Variants in FUT8 observed in about 807,000 individuals in gnomAD.
The protein encoded by FUT8 is fucosyltransferase 8, also known as alpha-(1,6)-fucosyltransferase.
In FUT8, 29 loss-of-function variants were observed where a neutral mutation model predicts 71.3. That is an observed-to-expected ratio of 0.41 (90% CI 0.30 to 0.55). The LOEUF (loss-of-function observed/expected upper bound fraction) is 0.55. FUT8 is among the 20% of genes least tolerant of loss of function. FUT8 has a pLI of 0.34. For missense variants in FUT8, 544 were observed against 702.1 expected, an observed-to-expected ratio of 0.77 and a Z score of 2.55; for synonymous variants, 254 against 239.3, an observed-to-expected ratio of 1.06 and a Z score of -0.57.
intron 1 of FUT8, among the ~76,000 whole-genome samples, chr14:65,425,358 G>C (rs1350823347): frequency 1.3e-5 from 2 of 151,446 alleles, no homozygotes; most frequent in Non-Finnish European, 2.9e-5. Flanking sequence ...AGTAGAGACA[G>C]GGTTTCTCCA....
At chr14:65,651,106 G>T (rs983387819) in intron 6 of FUT8, among the ~76,000 whole-genome samples, 1 of 152,136 alleles carries the variant, frequency 6.6e-6, no homozygotes, top group African/African-American at 2.4e-5. Context: ...AGAGACTGTG[G>T]GCAAAGCCCT....
At chr14:65,593,685 C>T (rs902063428) in intron 3 of FUT8, among the ~76,000 whole-genome samples, 1 of 152,140 alleles carries the variant, frequency 6.6e-6, no homozygotes, top group African/African-American at 2.4e-5. Flanking sequence ...AAGAGATTCT[C>T]CTGCCTCAGC....
chr14:65,736,975 G>A (rs1452090558), intron 10 of FUT8, among the ~76,000 whole-genome samples: 2 of 152,102 alleles, frequency 1.3e-5, no homozygotes, highest in East Asian at 3.9e-4. Flanking sequence ...GAGTTGACCT[G>A]TTGACCATGA....
intron 6 of FUT8, among the ~76,000 whole-genome samples, chr14:65,661,956 G>C (rs1891989213): frequency 6.6e-6 from 1 of 152,190 alleles, no homozygotes; most frequent in South Asian, 2.1e-4. Context: ...AAGGACTGCT[G>C]CTTTCCTTCA....
In FUT8 at chr14:65,616,338, A is replaced by G; in HGVS notation, c.447A>G (p.Ala149=). The G allele has an allele frequency of 1.9e-6, 3 of 1,607,748 alleles. No homozygotes were observed. Among genetic ancestry groups the G allele is most frequent in the Non-Finnish European group, 2.5e-6 (3 of 1,177,856 alleles). ...AAGGAAATGAACTCCAAAGACATGC[A>G]GATGAATTTCTTTTGGATTTAGGAC... is the stretch of plus-strand genomic sequence containing the variant. ...NLEGNELQRH[A]DEFLLDLGHH... Residue 149 remains alanine, a synonymous_variant, in exon 5 of 11, where the codon GCA becomes GCG. Coordinates refer to ENST00000673929, the MANE Select transcript of FUT8 (RefSeq NM_001371533.1).
chr14:65,396,116 T>C, the FUT8 span, among the ~76,000 whole-genome samples: 1 of 152,194 alleles, frequency 6.6e-6, no homozygotes, highest in African/African-American at 2.4e-5. This position sits in a 1 kb window ranked among gnomAD's most constrained non-coding sequence, Gnocchi z 5.5. Context: ...TCCACATCAC[T>C]ATCAGCATTT....
chr14:65,360,823 G>A, the FUT8 span, among the ~76,000 whole-genome samples: 1 of 152,172 alleles, frequency 6.6e-6, no homozygotes, highest in Non-Finnish European at 1.5e-5. Context: ...TGGAAATGGG[G>A]AAGCACTGAA....
At chr14:65,601,089 A>G (rs17779103) in intron 3 of FUT8, among the ~76,000 whole-genome samples, 4,917 of 152,236 alleles carry the variant, frequency 0.032, 122 homozygotes, top group Admixed American at 0.049. Flanking sequence ...ATTCTGTTAA[A>G]ACTGAGATTG....
chr14:65,521,180 A>T (rs1270585439), intron 2 of FUT8, among the ~76,000 whole-genome samples: 1 of 152,074 alleles, frequency 6.6e-6, no homozygotes, highest in East Asian at 1.9e-4. Flanking sequence ...ATATAGTGAT[A>T]TTCTATTTTA....
chr14:65,393,956 T>C, the FUT8 span, among the ~76,000 whole-genome samples: 1 of 152,096 alleles, frequency 6.6e-6, no homozygotes, highest in African/African-American at 2.4e-5. Flanking sequence ...TTTCCCCTTA[T>C]CATTATTATT....
chr14:65,365,691 AG>A, the FUT8 span, among the ~76,000 whole-genome samples: 1 of 152,168 alleles, frequency 6.6e-6, no homozygotes, highest in Non-Finnish European at 1.5e-5. Flanking sequence ...AAATGACAAG[AG>A]GTTGCCCTAT....
intron 9 of FUT8, among the ~76,000 whole-genome samples, chr14:65,726,730 A>G (rs1158408445): frequency 6.6e-6 from 1 of 152,138 alleles, no homozygotes; most frequent in Non-Finnish European, 1.5e-5. Flanking sequence ...TACTTTCCCA[A>G]CAGTCCCCCC....
At chr14:65,532,481 T>A (rs1475258057) in intron 2 of FUT8, among the ~76,000 whole-genome samples, 2 of 152,194 alleles carry the variant, frequency 1.3e-5, no homozygotes, top group Admixed American at 6.5e-5. Flanking sequence ...TTAATGTGTT[T>A]ATTTTTTTCT....
intron 5 of FUT8, among the ~76,000 whole-genome samples, chr14:65,618,454 C>A (rs1889424642): frequency 6.6e-6 from 1 of 152,000 alleles, no homozygotes. Context: ...GTACCCAAGT[C>A]AGTTTATTTT....
At chr14:65,446,343 T>C (rs1340445722) in intron 1 of FUT8, among the ~76,000 whole-genome samples, 1 of 152,176 alleles carries the variant, frequency 6.6e-6, no homozygotes, top group East Asian at 1.9e-4. Context: ...CCTAATTAGG[T>C]GTGATCCCTT....
At chr14:65,526,492 C>T (rs1883479681) in intron 2 of FUT8, among the ~76,000 whole-genome samples, 1 of 152,160 alleles carries the variant, frequency 6.6e-6, no homozygotes, top group African/African-American at 2.4e-5. Context: ...ATACAGCACA[C>T]TGATGGGTCT....
chr14:65,498,692 ACT>A (rs2066598643), intron 2 of FUT8, among the ~76,000 whole-genome samples: 1 of 152,170 alleles, frequency 6.6e-6, no homozygotes, highest in Non-Finnish European at 1.5e-5. Flanking sequence ...AATTGTTAAA[ACT>A]TCTAGTAGGC....
intron 2 of FUT8, among the ~76,000 whole-genome samples, chr14:65,523,114 G>T (rs1429354588): frequency 6.6e-6 from 1 of 152,158 alleles, no homozygotes; most frequent in Non-Finnish European, 1.5e-5. Flanking sequence ...GGGTCAAATG[G>T]TATTTCTAGT....
chr14:65,468,979 T>C (rs548661098), intron 2 of FUT8, among the ~76,000 whole-genome samples: 52 of 151,904 alleles, frequency 3.4e-4, no homozygotes, highest in Middle Eastern at 3.4e-3. Context: ...AAAAAAATCG[T>C]AGAAACAGGG....
Sources: gnomAD v4.1 joint callset for allele counts (sites outside exome capture counted in the v4.1 genomes callset) on GRCh38, gnomAD v4.1.1 for gene constraint, Gnocchi (gnomAD v3.1) non-coding constraint, MANE v1.5 for transcripts, NCBI Gene and HGNC (gene_info 2026-07-23, HGNC 2026-07-21) for gene names.